Variants in GALNTL6 observed in about 807,000 individuals in gnomAD.
The protein encoded by GALNTL6 is polypeptide N-acetylgalactosaminyltransferase like 6.
GALNTL6 carries 46 observed loss-of-function variants against 73.7 expected under a neutral mutation model. The observed-to-expected ratio is 0.62, with a 90% CI of 0.49 to 0.80. The LOEUF (loss-of-function observed/expected upper bound fraction) is 0.80, where lower values mean the gene tolerates loss of function less well. Ranked by LOEUF, GALNTL6 falls within the 30% of genes least tolerant of loss-of-function variation. The probability of loss-of-function intolerance (pLI) is 0.00; values close to 1 mark genes in which losing one functional copy is unlikely to be tolerated. For missense variants in GALNTL6, 604 were observed against 755.0 expected (o/e 0.80, Z 2.34); for synonymous variants, 259 against 263.7 (o/e 0.98, Z 0.17).
Position 171,966,027 on chromosome 4 carries a change from G to A in GALNTL6, c.138+151309G>A, listed in dbSNP as rs935181074. Among the ~76,000 whole-genome samples, 32 of 152,132 alleles carry A rather than the reference G, an allele frequency of 2.1e-4. 2 individuals carry two copies. On this transcript the variant is annotated intron_variant, in intron 2 of 12. Coordinates refer to ENST00000506823, the MANE Select transcript of GALNTL6 (RefSeq NM_001034845.3). ...TTCTTTTAAGCAGCCTTGGTGATCA[G>A]GGAGAAGGGTGTCATCTCTTATCTT...
chr4:172,177,081 G>C (rs1735025940), intron 2 of GALNTL6, among the ~76,000 whole-genome samples: 1 of 152,110 alleles, frequency 6.6e-6, no homozygotes, highest in Non-Finnish European at 1.5e-5. Flanking sequence ...TCCCACCTCT[G>C]TTGTTTGGGA....
At chr4:172,981,889 C>A (rs1751081414) in intron 10 of GALNTL6, among the ~76,000 whole-genome samples, 1 of 150,292 alleles carries the variant, frequency 6.7e-6, no homozygotes, top group African/African-American at 2.5e-5. Context: ...CTCTGCCTCC[C>A]AGGTTCAAGC....
At chr4:172,322,912 A>C (rs1740809029) in intron 4 of GALNTL6, among the ~76,000 whole-genome samples, 1 of 152,178 alleles carries the variant, frequency 6.6e-6, no homozygotes, top group South Asian at 2.1e-4. Context: ...CAAGCAAACC[A>C]ACACGTATAT....
At chr4:172,679,940 T>G (rs1732536123) in intron 5 of GALNTL6, among the ~76,000 whole-genome samples, 1 of 152,226 alleles carries the variant, frequency 6.6e-6, no homozygotes, top group Admixed American at 6.5e-5. Flanking sequence ...TACTTTTTTT[T>G]TTCATTTTCA....
At chr4:172,398,962 A>G (rs569469602) in intron 5 of GALNTL6, among the ~76,000 whole-genome samples, 2 of 152,236 alleles carry the variant, frequency 1.3e-5, no homozygotes, top group African/African-American at 4.8e-5. Flanking sequence ...AACAGCACTG[A>G]AATTAACACA....
In GALNTL6 at chr4:172,105,163, A is replaced by G. The variant is rs142055805; in HGVS notation, c.139-124493A>G. Among the ~76,000 whole-genome samples, 599 of 152,258 alleles carry G rather than the reference A, an allele frequency of 3.9e-3. 4 individuals are homozygous for G. The highest frequency in any genetic ancestry group is 0.013 in the African/African-American group (561 of 41,578). Reference sequence around the variant, plus strand: ...TAAACAGAATAACAAATTTATAAAAACAATTGAGTAGGAATTCTAGAAATA... The same window carrying G: ...TAAACAGAATAACAAATTTATAAAAGCAATTGAGTAGGAATTCTAGAAATA... On this transcript the variant is annotated intron_variant, in intron 2 of 12. Coordinates refer to ENST00000506823, the MANE Select transcript of GALNTL6 (RefSeq NM_001034845.3).
chr4:172,795,354 A>C (rs1740204407), intron 5 of GALNTL6, among the ~76,000 whole-genome samples: 1 of 152,142 alleles, frequency 6.6e-6, no homozygotes, highest in Admixed American at 6.5e-5. Flanking sequence ...AAGGGAGAGC[A>C]TATGAAGAGA....
At chr4:171,891,315 G>A (rs1033793797) in intron 2 of GALNTL6, among the ~76,000 whole-genome samples, 2 of 152,176 alleles carry the variant, frequency 1.3e-5, no homozygotes, top group African/African-American at 4.8e-5. Context: ...CAGGGTGGTT[G>A]GAGCCAGCGT....
At chr4:172,382,333 G>A (rs761056789) in intron 5 of GALNTL6, among the ~76,000 whole-genome samples, 1 of 151,800 alleles carries the variant, frequency 6.6e-6, no homozygotes, top group Non-Finnish European at 1.5e-5. Flanking sequence ...ATTTCATTGA[G>A]GTTTTGATTT....
At chr4:171,989,679 T>G (rs1220213424) in intron 2 of GALNTL6, among the ~76,000 whole-genome samples, 1 of 152,248 alleles carries the variant, frequency 6.6e-6, no homozygotes, top group East Asian at 1.9e-4. Context: ...AAGGCAATGT[T>G]AATTAAGTCC....
At chr4:172,212,608 C>G (rs1736361858) in intron 2 of GALNTL6, among the ~76,000 whole-genome samples, 2 of 152,148 alleles carry the variant, frequency 1.3e-5, no homozygotes, top group Non-Finnish European at 2.9e-5. Flanking sequence ...CTGTGCTTTA[C>G]ATATTCAGCT....
chr4:172,744,591 A>G (rs1344610017), intron 5 of GALNTL6, among the ~76,000 whole-genome samples: 2 of 152,078 alleles, frequency 1.3e-5, no homozygotes, highest in African/African-American at 2.4e-5. Flanking sequence ...TAGGCTGCCC[A>G]TTTATTTCAT....
chr4:172,597,682 A>C (rs1423654333), intron 5 of GALNTL6, among the ~76,000 whole-genome samples: 1 of 152,190 alleles, frequency 6.6e-6, no homozygotes, highest in Non-Finnish European at 1.5e-5. Context: ...AAATCTCTAC[A>C]TTCAGCCAAG....
chr4:172,295,531 G>GTT (rs58721038), intron 3 of GALNTL6, among the ~76,000 whole-genome samples: 2 of 73,140 alleles, frequency 2.7e-5, no homozygotes, highest in African/African-American at 1.2e-4. Flanking sequence ...CTTTTTTTAG[G>GTT]TTTTTTTTTT....
chr4:172,805,323 T>A (rs766287439), intron 5 of GALNTL6, among the ~76,000 whole-genome samples: 17 of 151,954 alleles, frequency 1.1e-4, no homozygotes, highest in Non-Finnish European at 1.5e-5. Flanking sequence ...ATGAGTAAAA[T>A]CTCTGAAAAA....
chr4:172,443,306 C>G (rs1731907645), intron 5 of GALNTL6, among the ~76,000 whole-genome samples: 1 of 150,672 alleles, frequency 6.6e-6, no homozygotes, highest in African/African-American at 2.4e-5. Context: ...GATGGGATTA[C>G]AGGTATGCCC....
chr4:172,864,508 T>G (rs576418329), intron 7 of GALNTL6, among the ~76,000 whole-genome samples: 19 of 152,338 alleles, frequency 1.2e-4, no homozygotes, highest in Admixed American at 3.3e-4. Context: ...ATTTAGAAGG[T>G]GGCATAAGAA....
At chr4:171,943,135 A>C (rs1385127159) in intron 2 of GALNTL6, among the ~76,000 whole-genome samples, 1 of 152,230 alleles carries the variant, frequency 6.6e-6, no homozygotes, top group South Asian at 2.1e-4. Context: ...TCAAACAAAC[A>C]AAAACAATGG....
intron 2 of GALNTL6, among the ~76,000 whole-genome samples, chr4:172,171,771 G>A (rs553369971): frequency 8.9e-4 from 136 of 152,184 alleles, no homozygotes; most frequent in Middle Eastern, 3.4e-3. Flanking sequence ...GTTGCAGTGA[G>A]CCGAGGTTAC....
Sources: gnomAD v4.1 joint callset for allele counts (sites outside exome capture counted in the v4.1 genomes callset) on GRCh38, gnomAD v4.1.1 for gene constraint, MANE v1.5 for transcripts, NCBI Gene and HGNC (gene_info 2026-07-23, HGNC 2026-07-21) for gene names.